C8orf34: variants seen among roughly 807,000 people sequenced by gnomAD.
C8orf34 encodes uncharacterized protein C8orf34.
C8orf34 carries 65 observed loss-of-function variants against 68.3 expected under a neutral mutation model. That is an observed-to-expected ratio of 0.95 (90% CI 0.78 to 1.17). The LOEUF (loss-of-function observed/expected upper bound fraction) is 1.17, where lower values mean the gene tolerates loss of function less well. Among genes scored for constraint, C8orf34 ranks in the 50% most tolerant of loss-of-function variants. The probability of loss-of-function intolerance (pLI) is 0.00; values close to 1 mark genes in which losing one functional copy is unlikely to be tolerated. For synonymous variants in C8orf34, 244 were observed against 241.2 expected (o/e 1.01, Z -0.11); for missense variants, 664 against 655.4 (o/e 1.01, Z -0.14).
intron 3 of C8orf34, among the ~76,000 whole-genome samples, chr8:68,465,838 T>C (rs904889639): frequency 2.0e-5 from 3 of 151,706 alleles, no homozygotes; most frequent in Admixed American, 6.6e-5. Flanking sequence ...CATTAGGAGA[T>C]ATACCTAATG....
intron 1 of C8orf34, among the ~76,000 whole-genome samples, chr8:68,391,188 A>G (rs1808465603): frequency 6.6e-6 from 1 of 152,170 alleles, no homozygotes. Flanking sequence ...AGATGCTCAC[A>G]TGGATTCTTT....
At chr8:68,427,532 G>T (rs901894536) in intron 1 of C8orf34, among the ~76,000 whole-genome samples, 2 of 152,110 alleles carry the variant, frequency 1.3e-5, no homozygotes, top group African/African-American at 4.8e-5. Context: ...GTTGCTAGGG[G>T]TTAGATATAG....
chr8:68,359,601 G>A lies in C8orf34; in HGVS notation c.327+28262G>A, dbSNP rs541979375. 2.1e-4 allele frequency among the ~76,000 whole-genome samples: 32 copies of A among 152,256 alleles called. 1 individual carries two copies. In the Middle Eastern group the frequency reaches 0.014, roughly 65 times the overall value. On this transcript the variant is annotated intron_variant, in intron 1 of 13. Coordinates refer to ENST00000518698, the MANE Select transcript of C8orf34 (RefSeq NM_052958.4). The stretch of plus-strand genomic sequence containing the variant: ...TGCCAGGTGGGGAAGTGGAACGAGT[G>A]AGCCAACATTTTCAGATACATTTCT...
chr8:68,745,556 G>A (rs1368673155), intron 10 of C8orf34, among the ~76,000 whole-genome samples: 16 of 151,592 alleles, frequency 1.1e-4, no homozygotes, highest in African/African-American at 3.9e-4. Context: ...CAAGCAAAAG[G>A]AAAACAAAAA....
At chr8:68,579,884 A>G (rs1323827773) in intron 7 of C8orf34, among the ~76,000 whole-genome samples, 3 of 152,158 alleles carry the variant, frequency 2.0e-5, no homozygotes, top group Non-Finnish European at 4.4e-5. Context: ...GACTGCCTGA[A>G]ACACATTCTC....
At chr8:68,360,587 G>C (rs1425094874) in intron 1 of C8orf34, among the ~76,000 whole-genome samples, 1 of 151,946 alleles carries the variant, frequency 6.6e-6, no homozygotes, top group East Asian at 1.9e-4. Context: ...TTCCAAACTA[G>C]GGCAGCATTC....
rs575881824 is a variant in C8orf34 at position 68,568,065 on chromosome 8, G to C, written c.1105+34916G>C. Among the ~76,000 whole-genome samples, 7 of 152,124 alleles carry C rather than the reference G, an allele frequency of 4.6e-5. No individual in the cohort carries two copies. In the East Asian group the frequency reaches 1.2e-3, roughly 25 times the overall value. ...AGAGAGATAGGGGGATGGCTAGTTT[G>C]GGGGAGCAGTTGGAACACATAAACA... On this transcript the variant is annotated intron_variant, in intron 7 of 13. Transcript: ENST00000518698.
chr8:68,359,451 C>G (rs565375834), intron 1 of C8orf34, among the ~76,000 whole-genome samples: 7 of 152,224 alleles, frequency 4.6e-5, no homozygotes, highest in African/African-American at 1.7e-4. Context: ...CAATTAAAAC[C>G]TTAATGGGGA....
chr8:68,753,174 G>A (rs181334792), intron 10 of C8orf34, among the ~76,000 whole-genome samples: 1 of 152,256 alleles, frequency 6.6e-6, no homozygotes, highest in Admixed American at 6.5e-5. Context: ...GTAGATAAAG[G>A]AAATGATCAC....
intron 10 of C8orf34, among the ~76,000 whole-genome samples, chr8:68,755,931 A>G (rs1207818481): frequency 1.3e-4 from 19 of 151,562 alleles, no homozygotes; most frequent in African/African-American, 1.7e-4. Context: ...GCCGGGCGTG[A>G]TGGCGGGCGC....
At chr8:68,560,579 G>T (rs557456518) in intron 7 of C8orf34, among the ~76,000 whole-genome samples, 36 of 152,296 alleles carry the variant, frequency 2.4e-4, no homozygotes, top group Admixed American at 1.2e-3. Context: ...ACAAACCTAG[G>T]TTAGATGGCA....
intron 7 of C8orf34, among the ~76,000 whole-genome samples, chr8:68,612,712 T>A (rs1818059416): frequency 6.6e-6 from 1 of 152,232 alleles, no homozygotes; most frequent in Admixed American, 6.6e-5. Context: ...AAATAAAATA[T>A]CAATGAAAAC....
At chr8:68,682,370 A>T (rs1418453662) in intron 8 of C8orf34, among the ~76,000 whole-genome samples, 2 of 152,062 alleles carry the variant, frequency 1.3e-5, no homozygotes, top group African/African-American at 2.4e-5. Flanking sequence ...TTAAAAAGAT[A>T]TTTTTTTAAG....
chr8:68,412,314 T>G (rs1443383713), intron 1 of C8orf34, among the ~76,000 whole-genome samples: 1 of 152,188 alleles, frequency 6.6e-6, no homozygotes, highest in Non-Finnish European at 1.5e-5. Flanking sequence ...TAATGTAATG[T>G]TTTATAATTT....
chr8:68,566,704 C>T (rs542556455), intron 7 of C8orf34, among the ~76,000 whole-genome samples: 18 of 100,956 alleles, frequency 1.8e-4, no homozygotes, highest in African/African-American at 5.2e-4. Context: ...CTGCTTTGAT[C>T]TTCTTTCCAG....
Position 68,448,346 on chromosome 8 carries a change from CT to C in C8orf34, c.607+1894del, listed in dbSNP as rs79453135. Among the ~76,000 whole-genome samples, 19 of 151,198 alleles carry C rather than the reference CT, an allele frequency of 1.3e-4. No individual in the cohort carries two copies. In the South Asian group the frequency reaches 1.7e-3, roughly 13 times the overall value. On this transcript the variant is annotated intron_variant, in intron 3 of 13. Coordinates refer to ENST00000518698, the MANE Select transcript of C8orf34 (RefSeq NM_052958.4). ...GCAAAAATAATAATAAAATAGCATA[CT>C]TTTTTTTAAAAAATAGCATATGTAG...
At chr8:68,655,267 C>T (rs1344025122) in intron 8 of C8orf34, among the ~76,000 whole-genome samples, 3 of 152,060 alleles carry the variant, frequency 2.0e-5, no homozygotes, top group Admixed American at 6.5e-5. Context: ...GTATTACATT[C>T]GGTAATAGCT....
intron 1 of C8orf34, among the ~76,000 whole-genome samples, chr8:68,425,504 A>G (rs927396216): frequency 6.6e-6 from 1 of 152,142 alleles, no homozygotes; most frequent in African/African-American, 2.4e-5. Flanking sequence ...ATAACTTACA[A>G]TTGTTTCAAA....
chr8:68,700,541 G>A (rs1478441347), intron 8 of C8orf34, among the ~76,000 whole-genome samples: 2 of 152,108 alleles, frequency 1.3e-5, no homozygotes, highest in Non-Finnish European at 2.9e-5. Flanking sequence ...AATTCAGATA[G>A]ACAGCATTTG....
Sources: allele counts gnomAD v4.1 joint callset (sites outside exome capture counted in the v4.1 genomes callset), GRCh38; gene constraint gnomAD v4.1.1; transcripts MANE v1.5; gene names NCBI Gene and HGNC (gene_info 2026-07-23, HGNC 2026-07-21).